Variants in GSE1 observed in about 807,000 individuals in gnomAD.
The protein encoded by GSE1 is Gse1 coiled-coil protein.
In GSE1, 32 loss-of-function variants were observed where a neutral mutation model predicts 112.6. The ratio of observed to expected loss-of-function variants is 0.28; its 90% CI spans 0.21 to 0.38. The LOEUF is 0.38. GSE1 is among the 10% of genes least tolerant of loss of function. The pLI is 1.00. For missense variants in GSE1, 2,348 were observed against 1,699.2 expected, an observed-to-expected ratio of 1.38 and a Z score of -6.71; for synonymous variants, 1,115 against 735.6, an observed-to-expected ratio of 1.52 and a Z score of -8.35.
At chr16:85,635,386 C>T (rs1598478686) in intron 2 of GSE1, among the ~76,000 whole-genome samples, 1 of 152,188 alleles carries the variant, frequency 6.6e-6, no homozygotes, top group Non-Finnish European at 1.5e-5. Flanking sequence ...GCAGGGGACT[C>T]CCTGGCCACA....
chr16:85,190,216 C>G (rs1348869100), intron 1 of GSE1, among the ~76,000 whole-genome samples: 1 of 152,162 alleles, frequency 6.6e-6, no homozygotes, highest in Non-Finnish European at 1.5e-5. Context: ...GATGGTGTGT[C>G]CTTTGGCTTG....
At chr16:85,364,294 C>G (rs929645818) in intron 2 of GSE1, among the ~76,000 whole-genome samples, 3 of 152,216 alleles carry the variant, frequency 2.0e-5, no homozygotes, top group African/African-American at 4.8e-5. Context: ...TCCTGCCCCC[C>G]TCTCCTACTT....
chr16:85,648,290 C>A (rs897116119), intron 2 of GSE1, among the ~76,000 whole-genome samples: 2 of 152,164 alleles, frequency 1.3e-5, no homozygotes, highest in Non-Finnish European at 2.9e-5. Context: ...ACCAGAGCAT[C>A]TGTGCTTTGT....
intron 2 of GSE1, among the ~76,000 whole-genome samples, chr16:85,645,336 C>T (rs952832580): frequency 3.9e-5 from 6 of 152,094 alleles, no homozygotes; most frequent in Non-Finnish European, 5.9e-5. Flanking sequence ...AGAATGTGAA[C>T]GTGCCTCTGG....
intron 2 of GSE1, among the ~76,000 whole-genome samples, chr16:85,645,710 G>GC (rs1308122213): frequency 6.6e-6 from 1 of 152,138 alleles, no homozygotes; most frequent in Admixed American, 6.5e-5. Context: ...GGCTGCTTCT[G>GC]CCCCCGGAAC....
At chr16:85,371,909 A>G (rs868228540) in intron 2 of GSE1, among the ~76,000 whole-genome samples, 2 of 152,202 alleles carry the variant, frequency 1.3e-5, no homozygotes, top group African/African-American at 4.8e-5. Flanking sequence ...GGAAAAGGGC[A>G]GGAGGGGCTG....
intron 3 of GSE1, among the ~76,000 whole-genome samples, chr16:85,651,608 G>T (rs546494869): frequency 6.6e-6 from 1 of 152,344 alleles, no homozygotes; most frequent in South Asian, 2.1e-4. Flanking sequence ...GCAGCATGCG[G>T]AGGAGGGCGG....
intron 2 of GSE1, among the ~76,000 whole-genome samples, chr16:85,367,610 C>T (rs909017563): frequency 4.6e-5 from 7 of 152,122 alleles, no homozygotes; most frequent in Non-Finnish European, 4.4e-5. Context: ...GCAGAGAGTT[C>T]CAGACCAAGC....
At chr16:85,424,936 T>C (rs887697466) in intron 2 of GSE1, among the ~76,000 whole-genome samples, 11 of 152,268 alleles carry the variant, frequency 7.2e-5, no homozygotes, top group African/African-American at 2.7e-4. Flanking sequence ...TTAACATGTG[T>C]CAGGGCCTCT....
At chr16:85,432,452 C>G (rs1243987968) in intron 2 of GSE1, among the ~76,000 whole-genome samples, 1 of 152,274 alleles carries the variant, frequency 6.6e-6, no homozygotes, top group Non-Finnish European at 1.5e-5. Flanking sequence ...ACCCAGCCCA[C>G]TGTCTCCCAG....
At chr16:85,447,243 T>C (rs2049542419) in intron 2 of GSE1, among the ~76,000 whole-genome samples, 1 of 152,170 alleles carries the variant, frequency 6.6e-6, no homozygotes, top group African/African-American at 2.4e-5. Context: ...GTCTGGGCCC[T>C]GTTTCCGCAC....
intron 1 of GSE1, among the ~76,000 whole-genome samples, chr16:85,561,478 C>G (rs1302977389): frequency 6.6e-6 from 1 of 152,154 alleles, no homozygotes; most frequent in Non-Finnish European, 1.5e-5. Flanking sequence ...CAGCCATCAG[C>G]TGACCCCACC....
intron 2 of GSE1, among the ~76,000 whole-genome samples, chr16:85,420,508 C>T (rs1385596560): frequency 6.6e-6 from 1 of 150,730 alleles, no homozygotes; most frequent in East Asian, 1.9e-4. Flanking sequence ...CCTGGGGCTT[C>T]CAGGGCCAAG....
rs749554516 is a variant in GSE1, at chr16:85,663,037, G to A, written c.2317G>A (p.Ala773Thr). ...YDESDEEEVR[A>T]HLRCVAEQPP... ...CGAGAGCGATGAGGAGGAGGTCAGG[G>A]CCCACCTCCGTTGCGTGGCCGAGCA... Residue 773 changes from alanine to threonine, a missense_variant, in exon 10 of 16, where the codon GCC (alanine) becomes ACC (threonine). Transcript: ENST00000253458. 1 of 1,613,254 alleles carries A rather than the reference G, an allele frequency of 6.2e-7. No homozygotes were observed. Among genetic ancestry groups the A allele is most frequent in the East Asian group, 2.2e-5 (1 of 44,876 alleles).
At chr16:85,366,403 G>T (rs142059669) in intron 2 of GSE1, among the ~76,000 whole-genome samples, 2 of 152,362 alleles carry the variant, frequency 1.3e-5, no homozygotes, top group East Asian at 3.9e-4. Flanking sequence ...TTCCAGCTGA[G>T]CTGGGATCCA....
intron 1 of GSE1, among the ~76,000 whole-genome samples, chr16:85,237,512 G>T (rs2143897002): frequency 6.6e-6 from 1 of 152,066 alleles, no homozygotes; most frequent in East Asian, 1.9e-4. Flanking sequence ...TTGGGGTTTG[G>T]CTTCTCCGTA....
At chr16:85,376,489 A>C (rs2047423170) in intron 2 of GSE1, among the ~76,000 whole-genome samples, 1 of 152,144 alleles carries the variant, frequency 6.6e-6, no homozygotes, top group African/African-American at 2.4e-5. Flanking sequence ...TGGGCACAGA[A>C]AGAGCCTGTG....
At chr16:85,250,269 G>C (rs1299687939) in intron 1 of GSE1, among the ~76,000 whole-genome samples, 3 of 152,230 alleles carry the variant, frequency 2.0e-5, no homozygotes, top group Non-Finnish European at 4.4e-5. Flanking sequence ...CTGGCAAAGG[G>C]TCCTGGGTTC....
chr16:85,530,437 C>G (rs987838966), intron 2 of GSE1, among the ~76,000 whole-genome samples: 2 of 152,100 alleles, frequency 1.3e-5, no homozygotes, highest in African/African-American at 4.8e-5. Context: ...AAATAATAAT[C>G]TTACGATTTG....
Sources: gnomAD v4.1 joint callset for allele counts (sites outside exome capture counted in the v4.1 genomes callset) on GRCh38, gnomAD v4.1.1 for gene constraint, MANE v1.5 for transcripts, NCBI Gene and HGNC (gene_info 2026-07-23, HGNC 2026-07-21) for gene names.